The following SRSF5 variants were observed in gnomAD, a reference collection of about 807,000 sequenced individuals.
SRSF5 encodes the protein serine and arginine rich splicing factor 5, also known as serine/arginine-rich splicing factor 5.
In SRSF5, 5 loss-of-function variants were observed where a neutral mutation model predicts 34.0. The observed-to-expected ratio is 0.15, with a 90% CI of 0.08 to 0.31. The LOEUF (loss-of-function observed/expected upper bound fraction) is 0.31, where lower values mean the gene tolerates loss of function less well. Ranked by LOEUF, SRSF5 falls within the 10% of genes least tolerant of loss-of-function variation. The probability of loss-of-function intolerance (pLI) is 1.00; values close to 1 mark genes in which losing one functional copy is unlikely to be tolerated. For synonymous variants in SRSF5, 164 were observed against 117.7 expected, an observed-to-expected ratio of 1.39 and a Z score of -2.55; for missense variants, 223 against 351.4, an observed-to-expected ratio of 0.63 and a Z score of 2.92.
At chr14:69,768,015 T>C (rs1461791881) in intron 1 of SRSF5, 123 bp from the exon 2 acceptor site, 6 of 1,125,034 alleles carry the variant, frequency 5.3e-6, no homozygotes, top group Non-Finnish European at 7.6e-6. Flanking sequence ...GAGGCTCTGT[T>C]GGCAATCTCG....
At chr14:69,769,674 A>G in intron 5 of SRSF5, 3 of 1,501,842 alleles carry the variant, frequency 2.0e-6, no homozygotes, top group Non-Finnish European at 2.7e-6. Context: ...TTATCGGTGC[A>G]CTTCCTTGAA....
chr14:69,768,003 T>G, intron 1 of SRSF5, 135 bp from the exon 2 acceptor site: 1 of 992,562 alleles, frequency 1.0e-6, no homozygotes, highest in East Asian at 2.6e-5. Flanking sequence ...CTGGCCTCAT[T>G]AGAGGCTCTG....
chr14:69,767,310 G>T (rs924242904), intron 1 of SRSF5, 55 bp downstream of exon 1: 54 of 438,384 alleles, frequency 1.2e-4, no homozygotes, highest in Admixed American at 4.4e-4. Context: ...CTTCATGGCC[G>T]CTCAGATCGT....
Position 69,771,576 on chromosome 14 carries a change from T to G in SRSF5, c.*115T>G. 4 of 1,005,886 alleles carry G rather than the reference T, an allele frequency of 4.0e-6. No homozygotes were observed. Among genetic ancestry groups the G allele is most frequent in the African/African-American group, 1.7e-5 (1 of 59,564 alleles). 62.3% of individuals were successfully genotyped at this position (1,005,886 alleles called of 1,614,324 possible). ...ATGTGCTTTTCTGTGGGGGTGGGAT[T>G]TGGAAGGGGGGTTGGGTTGGGCTGG... On this transcript the variant is annotated 3_prime_UTR_variant, in exon 8 of 8. Transcript: ENST00000557154.
At chr14:69,769,497 C>G in intron 5 of SRSF5, 1 of 1,534,930 alleles carries the variant, frequency 6.5e-7, no homozygotes, top group Non-Finnish European at 8.7e-7. Flanking sequence ...AATATTAAAC[C>G]CTTTATTTGC....
chr14:69,767,703 CCGCT>C (rs1566624387), intron 1 of SRSF5: 1 of 363,384 alleles, frequency 2.8e-6, no homozygotes, highest in Admixed American at 3.6e-5. Flanking sequence ...GAGCGCCCGC[CCGCT>C]GCTGTTGGCG....
At chr14:69,770,163 C>G (rs1883027365) in intron 5 of SRSF5, 1 of 1,084,328 alleles carries the variant, frequency 9.2e-7, no homozygotes, top group Non-Finnish European at 1.1e-6. Flanking sequence ...GTACTGTTTC[C>G]TTTTTTGTTG....
chr14:69,768,115 T>C, intron 1 of SRSF5, 23 bp from the exon 2 acceptor site: 1 of 1,613,312 alleles, frequency 6.2e-7, no homozygotes, highest in Non-Finnish European at 8.5e-7. Context: ...TGCTATTATC[T>C]CGATTGAATT....
intron 4 of SRSF5, 134 bp downstream of exon 4, chr14:69,769,030 C>G (rs145938921): frequency 7.8e-7 from 1 of 1,279,214 alleles, no homozygotes; most frequent in Non-Finnish European, 1.1e-6. Flanking sequence ...GCCAGTTGTT[C>G]TTGATGAATC....
At chr14:69,769,824 C>T (rs995012920) in intron 5 of SRSF5, 7 of 1,316,454 alleles carry the variant, frequency 5.3e-6, no homozygotes, top group Non-Finnish European at 6.8e-6. Flanking sequence ...CGTTGGAATC[C>T]TGATCGCAGT....
At chr14:69,770,953 A>G (rs371783119) in intron 6 of SRSF5, 42 bp from the exon 7 acceptor site, 26 of 1,533,274 alleles carry the variant, frequency 1.7e-5, no homozygotes, top group Middle Eastern at 2.0e-4. Flanking sequence ...GTGTGAGACT[A>G]CAGGATGTAT....
At chr14:69,770,893 A>G (rs1383615512) in intron 6 of SRSF5, 102 bp from the exon 7 acceptor site, 2 of 993,976 alleles carry the variant, frequency 2.0e-6, no homozygotes, top group Non-Finnish European at 3.0e-6. Context: ...CAATAGTAGC[A>G]ATAGCAAAAG....
chr14:69,769,023 A>C (rs1882889878), intron 4 of SRSF5, 127 bp downstream of exon 4: 1 of 1,295,432 alleles, frequency 7.7e-7, no homozygotes, highest in Non-Finnish European at 1.1e-6. Flanking sequence ...CACGTTAGCC[A>C]GTTGTTCTTG....
chr14:69,770,985 T>C lies in SRSF5; in HGVS notation c.441-10T>C. On this transcript the variant is annotated splice_polypyrimidine_tract_variant and intron_variant, in intron 6 of 7. Coordinates refer to ENST00000557154, the MANE Select transcript of SRSF5 (RefSeq NM_001320214.2). ...GTATATACTTTAAAAGTGGCTGTTTTCCATTTTAGGGTGGTTGAGTTTGCC... is the reference window on the plus strand; with the variant it reads ...GTATATACTTTAAAAGTGGCTGTTTCCCATTTTAGGGTGGTTGAGTTTGCC... 1.2e-6 allele frequency: 2 copies of C among 1,607,676 alleles called. No homozygotes were observed. Among genetic ancestry groups the C allele is most frequent in the East Asian group, 2.2e-5 (1 of 44,864 alleles).
Position 69,771,706 on chromosome 14 carries a change from T to A in SRSF5, c.*245T>A, listed in dbSNP as rs1393641764. 2 of 474,294 alleles carry A rather than the reference T, an allele frequency of 4.2e-6. No individual in the cohort carries two copies. The highest frequency in any genetic ancestry group is 7.4e-6 in the Non-Finnish European group (2 of 269,826). The allele number at this position is 474,294 out of a possible 1,614,324, so 29.4% of individuals were successfully genotyped here. A position where few individuals can be genotyped will look rare whatever the true frequency, so the allele number is the denominator to read the frequency against. On this transcript the variant is annotated 3_prime_UTR_variant, in exon 8 of 8. Transcript: ENST00000557154. The stretch of plus-strand genomic sequence containing the variant: ...CATTTTTGTGAATGTCTGAAGTATA[T>A]AGTTTGTGTATATTGACAGAGCTCT...
chr14:69,771,269 C>G lies in SRSF5; in HGVS notation c.627C>G (p.Arg209=). ...RSRSRSRSRS[R]KSYSRSRSRS... is the part of the protein sequence containing the mutation. Reference sequence around the variant, plus strand: ...GTAGCCGATCCCGTTCCCGTAGTCGCAAATCTTACAGCCGGTCAAGAAGCA... The same window carrying G: ...GTAGCCGATCCCGTTCCCGTAGTCGGAAATCTTACAGCCGGTCAAGAAGCA... The change falls in exon 8 of 8, where the codon CGC becomes CGG. Residue 209 remains arginine, a synonymous_variant. Transcript: ENST00000557154. 16 of 1,614,108 alleles carry G rather than the reference C, an allele frequency of 9.9e-6. No individual in the cohort carries two copies. The highest frequency in any genetic ancestry group is 1.4e-5 in the Non-Finnish European group (16 of 1,180,020).
chr14:69,771,393 C>A lies in SRSF5; in HGVS notation c.751C>A (p.Pro251Thr). 6.2e-7 allele frequency: 1 copy of A among 1,614,214 alleles called. No individual in the cohort carries two copies. The highest frequency in any genetic ancestry group is 8.5e-7 in the Non-Finnish European group (1 of 1,180,048). ...TGGTTCTTCAAGTAGATCTAAGTCT[C>A]CAGCATCTGTGGATCGCCAGAGGTC... The part of the protein sequence containing the change: ...KRGSSSRSKS[P>T]ASVDRQRSRS... Residue 251 changes from proline (P) to threonine (T), a missense_variant, in exon 8 of 8, where the codon CCA becomes ACA. Physicochemically the swap from Pro to Thr is conservative, Grantham distance 38. Transcript: ENST00000557154.
chr14:69,767,277 C>T (rs1222807024), intron 1 of SRSF5, 22 bp downstream of exon 1: 2 of 403,112 alleles, frequency 5.0e-6, no homozygotes, highest in Non-Finnish European at 9.6e-6. Context: ...ACTTTGAGGG[C>T]AAGCCTTCTC....
At chr14:69,769,891 C>T in intron 5 of SRSF5, 1 of 1,166,798 alleles carries the variant, frequency 8.6e-7, no homozygotes, top group Non-Finnish European at 1.1e-6. Flanking sequence ...CAATAGTCCG[C>T]TAATAGGGAG....
Sources: gnomAD v4.1 joint callset for allele counts on GRCh38, gnomAD v4.1.1 for gene constraint, MANE v1.5 for transcripts, NCBI Gene and HGNC (gene_info 2026-07-23, HGNC 2026-07-21) for gene names.